The following KCTD8 variants were observed in gnomAD, a reference collection of about 807,000 sequenced individuals.
KCTD8 encodes potassium channel tetramerization domain containing 8.
KCTD8 carries 27 observed loss-of-function variants against 31.5 expected under a neutral mutation model. The observed-to-expected ratio is 0.86, with a 90% CI of 0.63 to 1.18. The LOEUF is 1.18. Ranked by LOEUF, KCTD8 falls within the 50% of genes most tolerant of loss-of-function variation. The probability of loss-of-function intolerance (pLI) is 0.00; values close to 1 mark genes in which losing one functional copy is unlikely to be tolerated. For missense variants in KCTD8, 658 were observed against 647.7 expected (o/e 1.02, Z -0.17); for synonymous variants, 290 against 280.0 (o/e 1.04, Z -0.36).
intron 1 of KCTD8, among the ~76,000 whole-genome samples, chr4:44,335,254 T>C (rs1718694224): frequency 6.6e-6 from 1 of 152,132 alleles, no homozygotes; most frequent in African/African-American, 2.4e-5. Context: ...ACAAAAATCC[T>C]GAAACTGCTG....
chr4:44,259,722 G>T (rs1716106075), intron 1 of KCTD8, among the ~76,000 whole-genome samples: 1 of 151,800 alleles, frequency 6.6e-6, no homozygotes, highest in African/African-American at 2.4e-5. Flanking sequence ...CATATAAGTT[G>T]TCTTAATTTT....
chr4:44,403,158 A>G lies in KCTD8; in HGVS notation c.961+44405T>C, dbSNP rs549347564. ...TATAATCAACAATGCATCACGTCCA[A>G]TTACAAATGCATTTTTGCGGGGAGT... On this transcript the variant is annotated intron_variant, in intron 1 of 1. Transcript: ENST00000360029. Among the ~76,000 whole-genome samples, 531 of 152,104 alleles carry G rather than the reference A, an allele frequency of 3.5e-3. 5 individuals are homozygous for G. Among genetic ancestry groups the G allele is most frequent in the African/African-American group, 0.012 (500 of 41,546 alleles).
chr4:44,399,845 A>T (rs1455037688), intron 1 of KCTD8, among the ~76,000 whole-genome samples: 4 of 152,200 alleles, frequency 2.6e-5, no homozygotes, highest in Non-Finnish European at 1.5e-5. Flanking sequence ...AATAGGGATA[A>T]ATATTATACC....
At chr4:44,269,376 T>C (rs1365188077) in intron 1 of KCTD8, among the ~76,000 whole-genome samples, 1 of 151,538 alleles carries the variant, frequency 6.6e-6, no homozygotes, top group East Asian at 1.9e-4. Flanking sequence ...TTATACCTTA[T>C]ACAAAAATTA....
rs572790910 is a variant in KCTD8 at position 44,186,655 on chromosome 4, C to G, written c.962-11405G>C. ...ACGACCTGCCCGTCTGCGTCCTCCC[C>G]CTAGGGGTTTTGAGCAGTGGGGCAC... On this transcript the variant is annotated intron_variant, in intron 1 of 1. Transcript: ENST00000360029. Among the ~76,000 whole-genome samples the G allele has an allele frequency of 2.0e-5, 3 of 152,204 alleles. No individual in the cohort carries two copies. In the South Asian group the frequency reaches 6.2e-4, roughly 32 times the overall value.
chr4:44,404,059 C>T (rs948875635), intron 1 of KCTD8, among the ~76,000 whole-genome samples: 5 of 152,080 alleles, frequency 3.3e-5, no homozygotes, highest in African/African-American at 1.2e-4. Context: ...AAAACCGAGA[C>T]CCAACCCATT....
At chr4:44,257,623 T>C (rs949058581) in intron 1 of KCTD8, among the ~76,000 whole-genome samples, 2 of 152,064 alleles carry the variant, frequency 1.3e-5, no homozygotes, top group Admixed American at 6.6e-5. Flanking sequence ...CTTTTAGCTA[T>C]AGTCACTTCT....
rs145427463 is a variant in KCTD8 at position 44,337,902 on chromosome 4, ATTTC to A, written c.961+109657_961+109660del. The stretch of plus-strand genomic sequence containing the variant: ...TTAATAATGCCCTATAACTAAACAC[ATTTC>A]TTTATTACAATATATGCAATATTTA... On this transcript the variant is annotated intron_variant, in intron 1 of 1. Transcript: ENST00000360029. 7.8e-3 allele frequency among the ~76,000 whole-genome samples: 1,184 copies of A among 151,972 alleles called. 14 individuals are homozygous for A. Among genetic ancestry groups the A allele is most frequent in the African/African-American group, 0.027 (1,129 of 41,498 alleles).
At chr4:44,271,522 T>G (rs1369292707) in intron 1 of KCTD8, among the ~76,000 whole-genome samples, 1 of 151,988 alleles carries the variant, frequency 6.6e-6, no homozygotes, top group Non-Finnish European at 1.5e-5. Flanking sequence ...AAACTGGCCA[T>G]AAACAAAATC....
chr4:44,192,965 C>T (rs1713809486), intron 1 of KCTD8, among the ~76,000 whole-genome samples: 2 of 152,172 alleles, frequency 1.3e-5, no homozygotes, highest in African/African-American at 4.8e-5. Context: ...GGCTTCCTTG[C>T]TCTTCAGCTT....
intron 1 of KCTD8, among the ~76,000 whole-genome samples, chr4:44,269,776 A>G (rs1472426605): frequency 2.6e-5 from 4 of 152,190 alleles, no homozygotes; most frequent in Non-Finnish European, 4.4e-5. Flanking sequence ...TGCAGCCAAC[A>G]GACACATGAA....
At chr4:44,348,246 A>G (rs1327570145) in intron 1 of KCTD8, among the ~76,000 whole-genome samples, 1 of 152,228 alleles carries the variant, frequency 6.6e-6, no homozygotes, top group South Asian at 2.1e-4. Context: ...AGACAAGTAA[A>G]GAATATTCAA....
intron 1 of KCTD8, among the ~76,000 whole-genome samples, chr4:44,343,555 C>T (rs1027539207): frequency 1.2e-4 from 19 of 152,104 alleles, no homozygotes; most frequent in Non-Finnish European, 2.5e-4. Flanking sequence ...AAATGGCTTG[C>T]TCAACACAGG....
intron 1 of KCTD8, among the ~76,000 whole-genome samples, chr4:44,346,242 A>T (rs1157496128): frequency 6.6e-6 from 1 of 152,192 alleles, no homozygotes; most frequent in Non-Finnish European, 1.5e-5. Flanking sequence ...TAGGATCATA[A>T]GATCATTCTG....
In KCTD8 at chr4:44,240,746, G is replaced by T. The variant is rs182709461; in HGVS notation, c.962-65496C>A. On this transcript the variant is annotated intron_variant, in intron 1 of 1. Coordinates refer to ENST00000360029, the MANE Select transcript of KCTD8 (RefSeq NM_198353.3). ...CAGGGCCAGACCCATCCTTAAAACAGCTTTAAAATGCTCCTCAGACTGAAA... is the reference window on the plus strand; with the variant it reads ...CAGGGCCAGACCCATCCTTAAAACATCTTTAAAATGCTCCTCAGACTGAAA... Among the ~76,000 whole-genome samples, 319 of 152,274 alleles carry T rather than the reference G, an allele frequency of 2.1e-3. 1 individual carries two copies. The highest frequency in any genetic ancestry group is 4.0e-3 in the Non-Finnish European group (269 of 68,022).
At chr4:44,376,112 G>A (rs1719910843) in intron 1 of KCTD8, among the ~76,000 whole-genome samples, 1 of 152,180 alleles carries the variant, frequency 6.6e-6, no homozygotes, top group South Asian at 2.1e-4. Context: ...TCCCTCACAC[G>A]CTACTTGATG....
At chr4:44,351,207 C>T (rs534811499) in intron 1 of KCTD8, among the ~76,000 whole-genome samples, 1 of 152,132 alleles carries the variant, frequency 6.6e-6, no homozygotes, top group East Asian at 1.9e-4. Flanking sequence ...TTAATGAAAA[C>T]ATGAACTTTG....
Position 44,378,236 on chromosome 4 carries a change from T to G in KCTD8, c.961+69327A>C, listed in dbSNP as rs369732994. ...TATGTATATTTTATATATATATGTA[T>G]AAATATATATATATATATATATCTC... On this transcript the variant is annotated intron_variant, in intron 1 of 1. Transcript: ENST00000360029. Among the ~76,000 whole-genome samples, 48 of 111,380 alleles carry G rather than the reference T, an allele frequency of 4.3e-4. No individual in the cohort carries two copies. The East Asian group carries it at 0.011, about 26-fold the overall frequency. 73.1% of individuals were successfully genotyped at this position (111,380 alleles called of 152,430 possible).
At chr4:44,429,051 G>T (rs558762123) in intron 1 of KCTD8, among the ~76,000 whole-genome samples, 1 of 151,778 alleles carries the variant, frequency 6.6e-6, no homozygotes, top group African/African-American at 2.4e-5. Context: ...GAGATGGTGA[G>T]AAGGGAGACA....
Sources: gnomAD v4.1 joint callset for allele counts (sites outside exome capture counted in the v4.1 genomes callset) on GRCh38, gnomAD v4.1.1 for gene constraint, MANE v1.5 for transcripts, NCBI Gene and HGNC (gene_info 2026-07-23, HGNC 2026-07-21) for gene names.